CHIC1: variants seen among roughly 807,000 people sequenced by gnomAD.
CHIC1 encodes cysteine-rich hydrophobic domain-containing protein 1.
CHIC1 carries 7 observed loss-of-function variants against 18.5 expected under a neutral mutation model. The observed-to-expected ratio is 0.38, with a 90% CI of 0.22 to 0.71. CHIC1 has a LOEUF of 0.71. CHIC1 is among the 30% of genes least tolerant of loss of function. CHIC1 has a pLI of 0.49. For synonymous variants in CHIC1, 77 were observed against 73.5 expected, an observed-to-expected ratio of 1.05 and a Z score of -0.25; for missense variants, 159 against 176.9, an observed-to-expected ratio of 0.90 and a Z score of 0.57.
At chrX:73,663,012 T>C (rs767150256) in intron 3 of CHIC1, among the ~76,000 whole-genome samples, 1 of 111,871 alleles carries the variant, frequency 8.9e-6, no homozygotes, top group East Asian at 2.8e-4. Flanking sequence ...TGATAGCTGG[T>C]ATTGTAAACA....
chrX:73,608,686 C>T (rs1486661741), intron 3 of CHIC1, among the ~76,000 whole-genome samples: 4 of 107,278 alleles, frequency 3.7e-5, no homozygotes, highest in East Asian at 5.7e-4. Context: ...TTTTCATCAG[C>T]GTGTTTATTA....
intron 1 of CHIC1, among the ~76,000 whole-genome samples, chrX:73,574,931 C>G (rs1002098504): frequency 1.5e-4 from 16 of 109,721 alleles, no homozygotes; most frequent in African/African-American, 4.9e-4. Context: ...CTTCTGCTAG[C>G]TCTGGGGTTA....
intron 3 of CHIC1, among the ~76,000 whole-genome samples, chrX:73,618,746 C>T (rs959344329): frequency 2.7e-5 from 3 of 112,356 alleles, no homozygotes; most frequent in Non-Finnish European, 3.8e-5. Context: ...TATTCCTCCC[C>T]GCCTGCTGTG....
intron 3 of CHIC1, among the ~76,000 whole-genome samples, chrX:73,625,071 C>T (rs2057777371): frequency 9.0e-6 from 1 of 111,051 alleles, no homozygotes; most frequent in African/African-American, 3.3e-5. Flanking sequence ...TTGCTTGCTA[C>T]ATCAAAGCCC....
rs201065955 is a variant in CHIC1, at chrX:73,627,117, CTTCT to C, written c.507+42552_507+42555del. 6.6e-3 allele frequency among the ~76,000 whole-genome samples: 526 copies of C among 80,123 alleles called. 6 individuals are homozygous for C. The highest frequency in any genetic ancestry group is 0.025 in the African/African-American group (489 of 19,391). The allele number at this position is 80,123 out of a possible 115,157, so 69.6% of individuals were successfully genotyped here. A position where few individuals can be genotyped will look rare whatever the true frequency, so the allele number is the denominator to read the frequency against. ...TCTGTATTTCCAGGCAGAGACTCTT[CTTCT>C]TTCTTTAAGTTCTCCCAAAAAAAAA... is the stretch of plus-strand genomic sequence containing the variant. On this transcript the variant is annotated intron_variant, in intron 3 of 5. Coordinates refer to ENST00000373502, the MANE Select transcript of CHIC1 (RefSeq NM_001039840.4).
chrX:73,578,990 A>G (rs968439587), intron 2 of CHIC1, among the ~76,000 whole-genome samples: 2 of 110,364 alleles, frequency 1.8e-5, no homozygotes, highest in Non-Finnish European at 3.8e-5. Context: ...TTTTGGCGTA[A>G]TCACAATCTT....
At chrX:73,613,434 C>T (rs775367969) in intron 3 of CHIC1, among the ~76,000 whole-genome samples, 21 of 110,580 alleles carry the variant, frequency 1.9e-4, no homozygotes, top group Admixed American at 5.8e-4. Context: ...ACCTCCCTTT[C>T]CACTCTTTCT....
At chrX:73,674,803 T>G (rs1275621823) in intron 3 of CHIC1, among the ~76,000 whole-genome samples, 2 of 107,444 alleles carry the variant, frequency 1.9e-5, no homozygotes, top group Non-Finnish European at 3.8e-5. Flanking sequence ...CTCTTGCTTT[T>G]CTAGTTCTTT....
At position 73,685,143 on chromosome X, in the gene CHIC1, T is replaced by A. The variant is rs1306590843; in HGVS notation, c.*4138T>A. 8.9e-6 allele frequency: 1 copy of A among 111,754 alleles called. No homozygotes were observed. Among genetic ancestry groups the A allele is most frequent in the East Asian group, 2.8e-4 (1 of 3,546 alleles). The allele number at this position is 111,754 out of a possible 1,213,427, so 9.2% of individuals were successfully genotyped here. A position where few individuals can be genotyped will look rare whatever the true frequency, so the allele number is the denominator to read the frequency against. ...GAATCTCAGAATGATTATTCTCAGATCTACTGTCCTTGGTGGAAACTCTCA... is the reference window on the plus strand; with the variant it reads ...GAATCTCAGAATGATTATTCTCAGAACTACTGTCCTTGGTGGAAACTCTCA... On this transcript the variant is annotated 3_prime_UTR_variant, in exon 6 of 6. Coordinates refer to ENST00000373502, the MANE Select transcript of CHIC1 (RefSeq NM_001039840.4).
At chrX:73,575,420 C>T (rs1405177761) in intron 1 of CHIC1, among the ~76,000 whole-genome samples, 2 of 109,788 alleles carry the variant, frequency 1.8e-5, no homozygotes, top group African/African-American at 6.6e-5. Flanking sequence ...GCAATTTTAT[C>T]ATTGTGTGAA....
At chrX:73,677,759 C>T (rs1269111731) in intron 3 of CHIC1, among the ~76,000 whole-genome samples, 1 of 112,273 alleles carries the variant, frequency 8.9e-6, no homozygotes, top group Non-Finnish European at 1.9e-5. Flanking sequence ...CACCTACTTT[C>T]TGGCCCTCCC....
At position 73,593,452 on chromosome X, in the gene CHIC1, C is replaced by T. The variant is rs548809971; in HGVS notation, c.507+8880C>T. 9.0e-5 allele frequency among the ~76,000 whole-genome samples: 10 copies of T among 111,120 alleles called. 1 individual carries two copies. The East Asian group carries it at 1.1e-3, about 13-fold the overall frequency. On this transcript the variant is annotated intron_variant, in intron 3 of 5. Transcript: ENST00000373502. Reference sequence around the variant, plus strand: ...CTCTGAATTTCTTGAATTTGCATGTCGACCTCTACCAAGATTAGGGAAATG... The same window carrying T: ...CTCTGAATTTCTTGAATTTGCATGTTGACCTCTACCAAGATTAGGGAAATG...
chrX:73,634,280 A>G (rs747825113), intron 3 of CHIC1, among the ~76,000 whole-genome samples: 121 of 112,187 alleles, frequency 1.1e-3, no homozygotes, highest in Non-Finnish European at 1.9e-3. Flanking sequence ...GTTCTGTCCT[A>G]GGGGACAAGT....
chrX:73,607,617 G>A lies in CHIC1; in HGVS notation c.507+23045G>A, dbSNP rs753539091. Among the ~76,000 whole-genome samples, 7 of 108,854 alleles carry A rather than the reference G, an allele frequency of 6.4e-5. No individual in the cohort carries two copies. In the South Asian group the frequency reaches 1.1e-3, roughly 17 times the overall value. 94.5% of individuals were successfully genotyped at this position (108,854 alleles called of 115,157 possible). ...TGAAACCCAGGGCCATGGTGGTGTCGGCACCCAAGGGAATCTTCTTGTCTG... is the reference window on the plus strand; with the variant it reads ...TGAAACCCAGGGCCATGGTGGTGTCAGCACCCAAGGGAATCTTCTTGTCTG... On this transcript the variant is annotated intron_variant, in intron 3 of 5. Transcript: ENST00000373502.
intron 2 of CHIC1, among the ~76,000 whole-genome samples, chrX:73,582,729 A>T (rs1361556486): frequency 9.1e-6 from 1 of 110,222 alleles, no homozygotes; most frequent in Non-Finnish European, 1.9e-5. Flanking sequence ...ACTTCCAAGG[A>T]TTAATTTACA....
At chrX:73,603,782 T>C (rs750313219) in intron 3 of CHIC1, among the ~76,000 whole-genome samples, 2 of 109,123 alleles carry the variant, frequency 1.8e-5, no homozygotes, top group East Asian at 5.6e-4. Flanking sequence ...TCAATGATTC[T>C]GTTTATGTGA....
At chrX:73,650,401 T>C (rs1466129653) in intron 3 of CHIC1, among the ~76,000 whole-genome samples, 1 of 110,277 alleles carries the variant, frequency 9.1e-6, no homozygotes, top group Non-Finnish European at 1.9e-5. Flanking sequence ...TAGGAACTGG[T>C]TTTTGAAAAA....
intron 3 of CHIC1, among the ~76,000 whole-genome samples, chrX:73,674,262 C>T (rs946649530): frequency 9.0e-6 from 1 of 111,625 alleles, no homozygotes; most frequent in African/African-American, 3.3e-5. Flanking sequence ...TGACTTAGGG[C>T]AGATTCCCTC....
intron 2 of CHIC1, among the ~76,000 whole-genome samples, chrX:73,581,184 G>A (rs1324229127): frequency 9.0e-6 from 1 of 110,675 alleles, no homozygotes; most frequent in Admixed American, 9.6e-5. Context: ...ACAGCTGATT[G>A]ATAGGGTTGT....
Sources: gnomAD v4.1 joint callset for allele counts (sites outside exome capture counted in the v4.1 genomes callset) on GRCh38, gnomAD v4.1.1 for gene constraint, MANE v1.5 for transcripts, NCBI Gene and HGNC (gene_info 2026-07-23, HGNC 2026-07-21) for gene names.